VAV3: variants seen among roughly 807,000 people sequenced by gnomAD.
VAV3 encodes guanine nucleotide exchange factor VAV3.
VAV3 carries 94 observed loss-of-function variants against 131.2 expected under a neutral mutation model. The observed-to-expected ratio is 0.72, with a 90% CI of 0.61 to 0.85. VAV3 has a LOEUF of 0.85. Among genes scored for constraint, VAV3 ranks in the 40% least tolerant of loss-of-function variants. The pLI, the probability that VAV3 is intolerant of heterozygous loss-of-function variation, is 0.00. For missense variants in VAV3, 939 were observed against 1,002.7 expected, an observed-to-expected ratio of 0.94 and a Z score of 0.86; for synonymous variants, 349 against 342.0, an observed-to-expected ratio of 1.02 and a Z score of -0.22.
intron 2 of VAV3, among the ~76,000 whole-genome samples, chr1:107,841,208 T>C (rs2100922375): frequency 6.6e-6 from 1 of 152,216 alleles, no homozygotes; most frequent in Middle Eastern, 3.4e-3. Context: ...AGTACTGTTC[T>C]AGGATATGGT....
chr1:107,724,593 G>A (rs17019798), intron 15 of VAV3, among the ~76,000 whole-genome samples: 15,844 of 152,132 alleles, frequency 0.1, 975 homozygotes, highest in East Asian at 0.25. Context: ...GGTGGAGAAT[G>A]AAAGAGAGAT....
At chr1:107,768,025 G>C (rs771890616) in intron 7 of VAV3, among the ~76,000 whole-genome samples, 3 of 152,182 alleles carry the variant, frequency 2.0e-5, no homozygotes, top group Non-Finnish European at 2.9e-5. Flanking sequence ...AGAAGTCAAA[G>C]ATGTGGAGGA....
At chr1:107,821,314 T>C (rs1481444757) in intron 2 of VAV3, among the ~76,000 whole-genome samples, 2 of 152,206 alleles carry the variant, frequency 1.3e-5, no homozygotes, top group Non-Finnish European at 2.9e-5. Context: ...AAGAATGTCC[T>C]TCCTCATGAA....
chr1:107,609,626 C>T (rs1051023322), intron 22 of VAV3: 21 of 251,598 alleles, frequency 8.3e-5, no homozygotes, highest in African/African-American at 4.2e-4. Context: ...TTTCTCTCTG[C>T]TTTATTAAAT....
intron 2 of VAV3, among the ~76,000 whole-genome samples, chr1:107,833,298 C>T (rs1042838156): frequency 6.6e-6 from 1 of 152,158 alleles, no homozygotes; most frequent in Non-Finnish European, 1.5e-5. Context: ...CCACAACATT[C>T]CCTTAAGCCA....
intron 2 of VAV3, among the ~76,000 whole-genome samples, chr1:107,800,414 G>A (rs1412189515): frequency 6.6e-6 from 1 of 152,032 alleles, no homozygotes; most frequent in Admixed American, 6.5e-5. Context: ...ATGGTTCATT[G>A]TGGTTTTAAT....
intron 2 of VAV3, among the ~76,000 whole-genome samples, chr1:107,836,124 AG>A (rs1668468820): frequency 6.6e-6 from 1 of 152,254 alleles, no homozygotes; most frequent in African/African-American, 2.4e-5. Flanking sequence ...CAGATCATCG[AG>A]GCAGAAACCT....
Position 107,783,315 on chromosome 1 carries a change from A to C in VAV3, c.322-3823T>G, listed in dbSNP as rs535238267. ...GGGGTAGAGGACATAGGGAACAGAG[A>C]AGGGGCCAGGAGACCAACTGAGGGG... On this transcript the variant is annotated intron_variant, in intron 2 of 26. Coordinates refer to ENST00000370056, the MANE Select transcript of VAV3 (RefSeq NM_006113.5). 2.0e-3 allele frequency among the ~76,000 whole-genome samples: 307 copies of C among 152,274 alleles called. 3 individuals carry two copies. The highest frequency in any genetic ancestry group is 2.6e-3 in the Non-Finnish European group (179 of 68,004).
intron 20 of VAV3, among the ~76,000 whole-genome samples, chr1:107,638,606 T>C (rs1034445407): frequency 6.6e-6 from 1 of 152,174 alleles, no homozygotes; most frequent in Non-Finnish European, 1.5e-5. Flanking sequence ...TTTTCCTATA[T>C]TGATCTACAA....
At chr1:107,632,407 G>A (rs1654572978) in intron 20 of VAV3, among the ~76,000 whole-genome samples, 1 of 152,134 alleles carries the variant, frequency 6.6e-6, no homozygotes, top group Admixed American at 6.6e-5. Flanking sequence ...AAGAAACTAA[G>A]CTACATAATG....
At chr1:107,788,628 T>C (rs759568305) in intron 2 of VAV3, among the ~76,000 whole-genome samples, 6 of 152,160 alleles carry the variant, frequency 3.9e-5, no homozygotes, top group Non-Finnish European at 4.4e-5. Flanking sequence ...CCGGTCCAAA[T>C]AGCAAAGTAG....
At chr1:107,803,459 T>C (rs1666920283) in intron 2 of VAV3, among the ~76,000 whole-genome samples, 1 of 152,108 alleles carries the variant, frequency 6.6e-6, no homozygotes, top group African/African-American at 2.4e-5. Context: ...TCCACTTTAA[T>C]TTGTCTCATG....
chr1:107,893,638 A>G (rs1270113260), intron 1 of VAV3, among the ~76,000 whole-genome samples: 1 of 152,094 alleles, frequency 6.6e-6, no homozygotes, highest in Non-Finnish European at 1.5e-5. Context: ...AGACTTATTC[A>G]CTCACATGAG....
At chr1:107,752,579 C>T (rs1380933335) in intron 12 of VAV3, among the ~76,000 whole-genome samples, 1 of 151,906 alleles carries the variant, frequency 6.6e-6, no homozygotes, top group East Asian at 1.9e-4. Flanking sequence ...ATCTGGGATA[C>T]AAATAAAGAG....
At chr1:107,774,432 T>C (rs1426777088) in intron 4 of VAV3, among the ~76,000 whole-genome samples, 1 of 152,208 alleles carries the variant, frequency 6.6e-6, no homozygotes, top group Admixed American at 6.5e-5. Flanking sequence ...TGCATGCAAG[T>C]GCACAAACGC....
intron 1 of VAV3, among the ~76,000 whole-genome samples, chr1:107,943,486 T>C (rs1228462668): frequency 6.6e-6 from 1 of 151,940 alleles, no homozygotes; most frequent in East Asian, 1.9e-4. Context: ...CTCTTAAAAC[T>C]TCCCAGCACT....
chr1:107,578,125 C>T (rs776145779), intron 25 of VAV3, among the ~76,000 whole-genome samples: 12 of 152,146 alleles, frequency 7.9e-5, no homozygotes, highest in Admixed American at 2.6e-4. Context: ...ACAGACTGGC[C>T]AAGAGAATTG....
At chr1:107,933,371 C>T (rs919107039) in intron 1 of VAV3, among the ~76,000 whole-genome samples, 1 of 151,688 alleles carries the variant, frequency 6.6e-6, no homozygotes, top group African/African-American at 2.4e-5. Context: ...ATATCTTAGA[C>T]TCATTGCTCT....
intron 25 of VAV3, among the ~76,000 whole-genome samples, chr1:107,583,743 A>C (rs1467947157): frequency 6.6e-6 from 1 of 152,106 alleles, no homozygotes; most frequent in East Asian, 1.9e-4. Context: ...CCACTGCTCA[A>C]TGAAATAAAA....
Sources: gnomAD v4.1 joint callset for allele counts (sites outside exome capture counted in the v4.1 genomes callset) on GRCh38, gnomAD v4.1.1 for gene constraint, MANE v1.5 for transcripts, NCBI Gene and HGNC (gene_info 2026-07-23, HGNC 2026-07-21) for gene names.